The following PARVG variants were observed in gnomAD, a reference collection of about 807,000 sequenced individuals.
PARVG encodes parvin gamma.
PARVG carries 36 observed loss-of-function variants against 44.4 expected under a neutral mutation model. The ratio of observed to expected loss-of-function variants is 0.81; its 90% confidence interval spans 0.62 to 1.07. The LOEUF (loss-of-function observed/expected upper bound fraction) is 1.07, where lower values mean the gene tolerates loss of function less well. Among genes scored for constraint, PARVG ranks in the 50% least tolerant of loss-of-function variants. The probability of loss-of-function intolerance (pLI) is 0.00; values close to 1 mark genes in which losing one functional copy is unlikely to be tolerated. For missense variants in PARVG, 407 were observed against 407.4 expected (o/e 1.00, Z 0.01); for synonymous variants, 170 against 174.1 (o/e 0.98, Z 0.19).
chr22:44,181,168 G>T lies in PARVG; in HGVS notation c.-206G>T. ...ATTCACTGAGCCCACTTTGTGCCAA[G>T]CATTGTTCTAGACACGGGTATGTAA... On this transcript the variant is annotated 5_prime_UTR_variant, in exon 1 of 14. Transcript: ENST00000444313. The T allele has an allele frequency of 2.5e-6, 1 of 395,102 alleles. No individual in the cohort carries two copies. Among genetic ancestry groups the T allele is most frequent in the South Asian group, 1.0e-4 (1 of 9,572 alleles). 24.5% of individuals were successfully genotyped at this position (395,102 alleles called of 1,614,324 possible). A position where few individuals can be genotyped will look rare whatever the true frequency, so the allele number is the denominator to read the frequency against.
chr22:44,186,168 G>A (rs1025723735), intron 4 of PARVG: 3 of 318,720 alleles, frequency 9.4e-6, no homozygotes, highest in African/African-American at 6.5e-5. Context: ...CAGACAGCAA[G>A]GCTTAGACAG....
intron 12 of PARVG, among the ~76,000 whole-genome samples, chr22:44,199,573 C>T (rs1042500840): frequency 6.6e-6 from 1 of 152,166 alleles, no homozygotes; most frequent in Non-Finnish European, 1.5e-5. Flanking sequence ...GCCCACTGTT[C>T]TCCTAGTGAC....
At position 44,187,801 on chromosome 22, in the gene PARVG, C is replaced by T; in HGVS notation, c.170C>T (p.Thr57Ile). The stretch of plus-strand genomic sequence containing the variant: ...GTGTTGATGGAGTGGATCAATGCCA[C>T]TCTTCTCCCCGAGCACATTGTGGTC... Reference protein sequence around the residue: ...QKVLMEWINATLLPEHIVVRS... With the variant: ...QKVLMEWINAILLPEHIVVRS... The change falls in exon 5 of 14, where the codon ACT becomes ATT. Residue 57 changes from threonine (T) to isoleucine (I), a missense_variant. Physicochemically the swap from Thr to Ile is moderately conservative, Grantham distance 89. Transcript: ENST00000444313. 6.2e-7 allele frequency: 1 copy of T among 1,614,266 alleles called. No individual in the cohort carries two copies. Among genetic ancestry groups the T allele is most frequent in the Non-Finnish European group, 8.5e-7 (1 of 1,180,052 alleles).
rs2054518774 is a variant in PARVG, at chr22:44,189,365, G to T, written c.388+111G>T. The T allele has an allele frequency of 3.4e-6, 5 of 1,468,610 alleles. No homozygotes were observed. The South Asian group carries it at 5.3e-5, about 16-fold the overall frequency. The allele number at this position is 1,468,610 out of a possible 1,614,324, so 91.0% of individuals were successfully genotyped here. On this transcript the variant is annotated intron_variant, in intron 6 of 13. Coordinates refer to ENST00000444313, the MANE Select transcript of PARVG (RefSeq NM_022141.7). ...CGCACTCATCCTTCTCCCAGCAGGG[G>T]TACAACCTGGGAGTCAGGAAGGAGG...
intron 4 of PARVG, 122 bp from the exon 5 acceptor site, chr22:44,187,654 A>G: frequency 1.1e-6 from 1 of 892,720 alleles, no homozygotes; most frequent in South Asian, 1.5e-5. Flanking sequence ...TGGAGGTGAC[A>G]TTTGACCAGG....
intron 11 of PARVG, 34 bp downstream of exon 11, chr22:44,196,449 C>A: frequency 6.2e-7 from 1 of 1,611,624 alleles, no homozygotes; most frequent in Non-Finnish European, 8.5e-7. Context: ...CCAGGCAGGG[C>A]AGGGCCACTG....
At chr22:44,192,934 G>A (rs2054569748) in intron 8 of PARVG, among the ~76,000 whole-genome samples, 3 of 152,198 alleles carry the variant, frequency 2.0e-5, no homozygotes, top group Admixed American at 1.3e-4. Context: ...CTTCTGTGTG[G>A]CGCTAACTCA....
intron 8 of PARVG, 64 bp downstream of exon 8, chr22:44,192,168 G>T: frequency 1.3e-6 from 2 of 1,566,034 alleles, no homozygotes; most frequent in South Asian, 1.1e-5. Context: ...GGGGCAGGGT[G>T]GGGGCCAGGG....
At chr22:44,197,187 C>G (rs1569185343) in intron 11 of PARVG, among the ~76,000 whole-genome samples, 1 of 152,056 alleles carries the variant, frequency 6.6e-6, no homozygotes, top group Non-Finnish European at 1.5e-5. Flanking sequence ...AGATCGTAGC[C>G]AGAGCTGCTG....
chr22:44,180,190 C>T (rs1236230821), upstream of PARVG, among the ~76,000 whole-genome samples: 1 of 152,134 alleles, frequency 6.6e-6, no homozygotes, highest in East Asian at 1.9e-4. Flanking sequence ...GCTCCTATCC[C>T]GAGGCCCCTC....
chr22:44,198,675 C>T lies in PARVG; in HGVS notation c.766C>T (p.Leu256=). ...LLIGQLEGFF[L]HLKEFYLTPN... ...GATTGGACAACTTGAAGGCTTCTTC[C>T]TGCACTTAAAGGAATTCTACCTCAC... The change falls in exon 12 of 14, where the codon CTG becomes TTG. Residue 256 remains leucine (L), a synonymous_variant. Coordinates refer to ENST00000444313, the MANE Select transcript of PARVG (RefSeq NM_022141.7). 1 of 1,613,954 alleles carries T rather than the reference C, an allele frequency of 6.2e-7. No homozygotes were observed. The highest frequency in any genetic ancestry group is 1.1e-5 in the South Asian group (1 of 91,066).
Position 44,208,064 on chromosome 22 carries a change from T to C in PARVG, c.*1638T>C, listed in dbSNP as rs2054803010. 6.6e-6 allele frequency: 1 copy of C among 152,162 alleles called. No individual in the cohort carries two copies. The highest frequency in any genetic ancestry group is 6.5e-5 in the Admixed American group (1 of 15,278). 9.4% of individuals were successfully genotyped at this position (152,162 alleles called of 1,614,324 possible). ...GCTCAGCCTCTCTCAGCTGGCTTCA[T>C]CCCAAAAGCCTGAAATCCAGCCCCA... is the stretch of plus-strand genomic sequence containing the variant. On this transcript the variant is annotated 3_prime_UTR_variant, in exon 14 of 14. Coordinates refer to ENST00000444313, the MANE Select transcript of PARVG (RefSeq NM_022141.7).
chr22:44,181,876 G>A lies in PARVG; in HGVS notation c.-54G>A, dbSNP rs2054384545. 2.0e-6 allele frequency: 2 copies of A among 985,510 alleles called. No homozygotes were observed. Among genetic ancestry groups the A allele is most frequent in the Middle Eastern group, 5.2e-4 (1 of 1,916 alleles). The allele number at this position is 985,510 out of a possible 1,614,324, so 61.0% of individuals were successfully genotyped here. The stretch of plus-strand genomic sequence containing the variant: ...ATTCGGAATCCAGGGACCACCCTTT[G>A]CACTCAGTAGGCCTTTGTTTTCCTG... On this transcript the variant is annotated 5_prime_UTR_variant, in exon 2 of 14. Transcript: ENST00000444313.
chr22:44,184,896 A>G (rs543395881), intron 3 of PARVG: 1 of 152,362 alleles, frequency 6.6e-6, no homozygotes, highest in Non-Finnish European at 1.5e-5. Flanking sequence ...TTTGTTTTAC[A>G]ACTGATTTAA....
intron 1 of PARVG, among the ~76,000 whole-genome samples, chr22:44,175,667 C>T (rs1254842629): frequency 2.0e-5 from 3 of 150,118 alleles, no homozygotes; most frequent in Admixed American, 6.6e-5. Context: ...TGCTGTGTGC[C>T]GCTGAGGCGT....
intron 12 of PARVG, among the ~76,000 whole-genome samples, chr22:44,201,229 T>C (rs918086154): frequency 5.9e-5 from 9 of 152,128 alleles, no homozygotes; most frequent in Non-Finnish European, 1.3e-4. Context: ...CCACACTCCC[T>C]TGGGGTTAGC....
At chr22:44,197,383 A>G (rs2054633016) in intron 11 of PARVG, among the ~76,000 whole-genome samples, 1 of 152,204 alleles carries the variant, frequency 6.6e-6, no homozygotes, top group Non-Finnish European at 1.5e-5. Context: ...CCCCACTTAC[A>G]GAGGAGGATG....
upstream of PARVG, among the ~76,000 whole-genome samples, chr22:44,175,932 C>T (rs1016468155): frequency 7.9e-5 from 12 of 152,136 alleles, no homozygotes; most frequent in African/African-American, 1.4e-4. Flanking sequence ...TCCTAACAGC[C>T]GGGACATGGT....
intron 12 of PARVG, among the ~76,000 whole-genome samples, chr22:44,204,772 G>A (rs139181): frequency 0.21 from 32,662 of 152,244 alleles, 4,222 homozygotes; most frequent in Non-Finnish European, 0.3. Context: ...ATCTACGGGT[G>A]GCTAAGACAT....
Sources: allele counts gnomAD v4.1 joint callset (sites outside exome capture counted in the v4.1 genomes callset), GRCh38; gene constraint gnomAD v4.1.1; transcripts MANE v1.5; gene names NCBI Gene and HGNC (gene_info 2026-07-23, HGNC 2026-07-21).